The following LIMS1 variants were observed in gnomAD, a reference collection of about 807,000 sequenced individuals.
The protein encoded by LIMS1 is LIM and senescent cell antigen-like-containing domain protein 1.
A neutral mutation model predicts 44.1 loss-of-function variants in LIMS1; 18 were observed. That is an observed-to-expected ratio of 0.41 (90% CI 0.28 to 0.61). The LOEUF is 0.61. Ranked by LOEUF, LIMS1 falls within the 20% of genes least tolerant of loss-of-function variation. The pLI is 0.32. For missense variants in LIMS1, 201 were observed against 422.0 expected, an observed-to-expected ratio of 0.48 and a Z score of 4.59; for synonymous variants, 93 against 149.1, an observed-to-expected ratio of 0.62 and a Z score of 2.74.
chr2:108,541,887 A>G (rs185032362), intron 1 of LIMS1, among the ~76,000 whole-genome samples: 94 of 152,342 alleles, frequency 6.2e-4, no homozygotes, highest in Non-Finnish European at 1.2e-3. Flanking sequence ...TGTTTTCCCA[A>G]AGCATTTTGA....
intron 1 of LIMS1, among the ~76,000 whole-genome samples, chr2:108,635,169 G>T (rs1052454795): frequency 4.6e-5 from 7 of 152,124 alleles, no homozygotes; most frequent in Admixed American, 4.6e-4. Context: ...GGTGACTCAC[G>T]CCTGTAACCC....
At chr2:108,622,414 G>T (rs1181584466) in intron 1 of LIMS1, among the ~76,000 whole-genome samples, 1 of 152,038 alleles carries the variant, frequency 6.6e-6, no homozygotes, top group African/African-American at 2.4e-5. Flanking sequence ...TATTAAATTT[G>T]TATTTGTCAC....
intron 4 of LIMS1, 63 bp downstream of exon 4, chr2:108,672,508 T>G: frequency 2.2e-6 from 1 of 459,998 alleles, no homozygotes. Context: ...AGATCATGTG[T>G]ATTCTCCATG....
At chr2:108,672,032 T>C (rs927272523) in intron 3 of LIMS1, among the ~76,000 whole-genome samples, 2 of 152,042 alleles carry the variant, frequency 1.3e-5, no homozygotes, top group African/African-American at 4.8e-5. Flanking sequence ...CCGGGCGTGG[T>C]GGCAGGAGCC....
intron 1 of LIMS1, among the ~76,000 whole-genome samples, chr2:108,553,037 C>A (rs1428086981): frequency 1.3e-5 from 2 of 152,106 alleles, no homozygotes; most frequent in East Asian, 1.9e-4. Context: ...GAAGAAGGTA[C>A]CAGTGCATGA....
intron 1 of LIMS1, among the ~76,000 whole-genome samples, chr2:108,601,103 C>T (rs1365267126): frequency 2.0e-5 from 3 of 151,900 alleles, no homozygotes; most frequent in African/African-American, 7.3e-5. Context: ...CTGTTCTGTG[C>T]GGGAGATGCC....
At chr2:108,612,025 CATAT>C (rs201142924) in intron 1 of LIMS1, among the ~76,000 whole-genome samples, 85 of 78,680 alleles carry the variant, frequency 1.1e-3, no homozygotes, top group Middle Eastern at 6.3e-3. Context: ...TATACACACA[CATAT>C]ACACACACAC....
intron 2 of LIMS1, chr2:108,662,388 T>G: frequency 6.4e-7 from 1 of 1,571,804 alleles, no homozygotes; most frequent in Non-Finnish European, 8.7e-7. Context: ...GTGTGACTCA[T>G]CTCGTCCTGC....
exon 3 of LIMS1, chr2:108,670,782 T>C (rs1224667419): frequency 6.2e-7 from 1 of 1,611,758 alleles, no homozygotes; most frequent in Non-Finnish European, 8.5e-7. Flanking sequence ...CTCTTTCAGT[T>C]TGAAGGAAGA....
intron 2 of LIMS1, among the ~76,000 whole-genome samples, chr2:108,666,547 C>T (rs1691773028): frequency 8.0e-6 from 1 of 125,488 alleles, no homozygotes; most frequent in East Asian, 2.2e-4. Flanking sequence ...AATCCTAGCA[C>T]TTTGAGAGAC....
intron 1 of LIMS1, among the ~76,000 whole-genome samples, chr2:108,641,217 A>C (rs1689647188): frequency 6.6e-6 from 1 of 152,212 alleles, no homozygotes; most frequent in Non-Finnish European, 1.5e-5. Context: ...GAAATATTTC[A>C]ACCTGATATC....
At chr2:108,574,313 G>A (rs1444290362) in intron 1 of LIMS1, among the ~76,000 whole-genome samples, 2 of 152,198 alleles carry the variant, frequency 1.3e-5, no homozygotes, top group African/African-American at 4.8e-5. Flanking sequence ...TTTTGTTTAA[G>A]CACTTTGAAG....
intron 1 of LIMS1, among the ~76,000 whole-genome samples, chr2:108,623,787 G>A (rs538989230): frequency 1.3e-5 from 2 of 152,250 alleles, no homozygotes; most frequent in African/African-American, 4.8e-5. Context: ...CATTTCTTAC[G>A]TTTGTGGACT....
chr2:108,555,784 G>A (rs555177259), intron 1 of LIMS1, among the ~76,000 whole-genome samples: 44 of 152,332 alleles, frequency 2.9e-4, no homozygotes, highest in African/African-American at 1.0e-3. Context: ...CTGGACTGTG[G>A]GGTGAGCCAG....
At chr2:108,660,198 C>T (rs565305002) in intron 2 of LIMS1, 1 of 478,024 alleles carries the variant, frequency 2.1e-6, no homozygotes, top group African/African-American at 2.0e-5. Flanking sequence ...GTGTACGTCA[C>T]CCCCTCCACA....
In LIMS1 at chr2:108,648,180, C is replaced by T. The variant is rs147205515; in HGVS notation, c.33-11425C>T. 2.3e-4 allele frequency among the ~76,000 whole-genome samples: 35 copies of T among 152,216 alleles called. No individual in the cohort carries two copies. In the East Asian group the frequency reaches 4.3e-3, roughly 18 times the overall value. On this transcript the variant is annotated intron_variant, in intron 1 of 9. Coordinates refer to ENST00000544547, the Ensembl canonical transcript of LIMS1. The stretch of plus-strand genomic sequence containing the variant: ...TTCCTATACACCAATAACAGACAAA[C>T]GGAGAGCCAAATCATGAGTAAACTC...
At position 108,661,365 on chromosome 2, in the gene LIMS1, G is replaced by A. The variant is rs567621393; in HGVS notation, c.192+1601G>A. Among the ~76,000 whole-genome samples, 169 of 149,500 alleles carry A rather than the reference G, an allele frequency of 1.1e-3. 1 individual carries two copies. The highest frequency in any genetic ancestry group is 3.9e-3 in the African/African-American group (160 of 40,544). ...TTTTTTTTTTAACTTTATTTCTTTA[G>A]GCCTCCAAACATGCTCTATGTATCT... On this transcript the variant is annotated intron_variant, in intron 2 of 9. Coordinates refer to ENST00000544547, the Ensembl canonical transcript of LIMS1.
chr2:108,672,496 C>T (rs1692232577), intron 4 of LIMS1, 51 bp downstream of exon 4: 1 of 504,056 alleles, frequency 2.0e-6, no homozygotes, highest in African/African-American at 3.2e-5. Flanking sequence ...GTGACTGTGA[C>T]AAGATCATGT....
intron 1 of LIMS1, among the ~76,000 whole-genome samples, chr2:108,642,406 C>G (rs1256998445): frequency 7.5e-6 from 1 of 133,484 alleles, no homozygotes; most frequent in Non-Finnish European, 1.5e-5. Flanking sequence ...GTCGCCCAGG[C>G]TGGAGTGCAG....
Sources: gnomAD v4.1 joint callset for allele counts (sites outside exome capture counted in the v4.1 genomes callset) on GRCh38, gnomAD v4.1.1 for gene constraint, MANE v1.5 for transcripts, NCBI Gene and HGNC (gene_info 2026-07-23, HGNC 2026-07-21) for gene names.